The following CSMD1 variants were observed in gnomAD, a reference collection of about 807,000 sequenced individuals.
CSMD1 encodes the protein CUB and sushi domain-containing protein 1.
A neutral mutation model predicts 417.5 loss-of-function variants in CSMD1; 213 were observed. The observed-to-expected ratio is 0.51, with a 90% CI of 0.46 to 0.57. The LOEUF is 0.57. CSMD1 is among the 20% of genes least tolerant of loss of function. CSMD1 has a pLI of 0.00. For synonymous variants in CSMD1, 2,862 were observed against 1,736.8 expected, an observed-to-expected ratio of 1.65 and a Z score of -16.11; for missense variants, 6,923 against 4,529.7, an observed-to-expected ratio of 1.53 and a Z score of -15.17.
intron 3 of CSMD1, among the ~76,000 whole-genome samples, chr8:4,134,651 A>G (rs545793149): frequency 1.3e-5 from 2 of 152,304 alleles, no homozygotes; most frequent in South Asian, 4.1e-4. Flanking sequence ...TTTAAAATAT[A>G]TCTAGAATCA....
At chr8:2,997,451 C>A (rs1036381562) in intron 54 of CSMD1, among the ~76,000 whole-genome samples, 9 of 152,126 alleles carry the variant, frequency 5.9e-5, no homozygotes, top group African/African-American at 1.7e-4. Context: ...AAAATACTTG[C>A]CCTTCACACT....
At chr8:4,322,556 G>A (rs188090010) in intron 3 of CSMD1, among the ~76,000 whole-genome samples, 84 of 151,956 alleles carry the variant, frequency 5.5e-4, no homozygotes, top group African/African-American at 1.9e-3. Context: ...CCTGAAGAGA[G>A]TAAGTAAGAT....
chr8:4,950,296 G>C (rs7003760), intron 1 of CSMD1, among the ~76,000 whole-genome samples: 20 of 151,890 alleles, frequency 1.3e-4, no homozygotes, highest in Admixed American at 8.5e-4. Flanking sequence ...ATTCTGATTA[G>C]TAAGTAAATG....
rs1162163027 is a variant in CSMD1 at position 4,226,574 on chromosome 8, T to C, written c.415+193379A>G. ...GGATACCATAAGTTGAAAAAACTAA[T>C]AACTTATTAAAAGGGCTGTATTTTT... On this transcript the variant is annotated intron_variant, in intron 3 of 69. Coordinates refer to ENST00000635120, the MANE Select transcript of CSMD1 (RefSeq NM_033225.6). Among the ~76,000 whole-genome samples the C allele has an allele frequency of 2.0e-5, 3 of 152,190 alleles. No individual in the cohort carries two copies. In the East Asian group the frequency reaches 5.8e-4, roughly 29 times the overall value.
At chr8:3,534,493 T>C (rs1361638516) in intron 10 of CSMD1, among the ~76,000 whole-genome samples, 1 of 143,756 alleles carries the variant, frequency 7.0e-6, no homozygotes, top group African/African-American at 2.6e-5. Flanking sequence ...CAGCGATAAG[T>C]AGATATTTTT....
chr8:4,526,194 A>G (rs2130427333), intron 2 of CSMD1, among the ~76,000 whole-genome samples: 1 of 152,358 alleles, frequency 6.6e-6, no homozygotes, highest in East Asian at 1.9e-4. Flanking sequence ...GAAACTTTGT[A>G]GTTCACAGTA....
chr8:3,418,763 G>A (rs1207124869), intron 12 of CSMD1, among the ~76,000 whole-genome samples: 1 of 152,000 alleles, frequency 6.6e-6, no homozygotes, highest in Admixed American at 6.6e-5. Context: ...GCAGACACAC[G>A]GGATTGCACA....
chr8:4,556,708 C>T (rs187024882), intron 2 of CSMD1, among the ~76,000 whole-genome samples: 5 of 152,262 alleles, frequency 3.3e-5, no homozygotes, highest in Admixed American at 3.3e-4. Flanking sequence ...AGCGGAAACA[C>T]ATTGCCACAA....
At chr8:3,699,753 C>G (rs995155933) in intron 7 of CSMD1, among the ~76,000 whole-genome samples, 1 of 152,106 alleles carries the variant, frequency 6.6e-6, no homozygotes, top group Non-Finnish European at 1.5e-5. Context: ...CTGGATGCTC[C>G]GCAACGAGGG....
intron 5 of CSMD1, among the ~76,000 whole-genome samples, chr8:3,929,630 T>C (rs796290988): frequency 3.3e-5 from 5 of 149,838 alleles, no homozygotes; most frequent in African/African-American, 1.2e-4. Context: ...AGGAAGAGTA[T>C]ATTGTTTCAA....
intron 50 of CSMD1, among the ~76,000 whole-genome samples, chr8:3,041,457 T>C (rs1201306154): frequency 2.0e-5 from 3 of 152,192 alleles, no homozygotes; most frequent in Non-Finnish European, 2.9e-5. Flanking sequence ...AACCTTTTTC[T>C]AGCAACATTT....
At chr8:3,196,987 C>G (rs1184881831) in intron 33 of CSMD1, among the ~76,000 whole-genome samples, 1 of 152,212 alleles carries the variant, frequency 6.6e-6, no homozygotes, top group Non-Finnish European at 1.5e-5. Flanking sequence ...TGATGTCACT[C>G]ACACCTTCTT....
Position 3,947,730 on chromosome 8 carries a change from C to T in CSMD1, c.818+50173G>A, listed in dbSNP as rs543439087. On this transcript the variant is annotated intron_variant, in intron 5 of 69. Transcript: ENST00000635120. ...TTGACTAAGCCTTTTTTTAACGGCA[C>T]AGAATATAGTTTATCTTAGTGAATG... Among the ~76,000 whole-genome samples the T allele has an allele frequency of 9.2e-5, 14 of 152,112 alleles. No homozygotes were observed. The East Asian group carries it at 1.2e-3, about 13-fold the overall frequency.
chr8:4,157,059 A>G (rs1299408671), intron 3 of CSMD1, among the ~76,000 whole-genome samples: 1 of 152,214 alleles, frequency 6.6e-6, no homozygotes, highest in African/African-American at 2.4e-5. Context: ...CCTGTAGACC[A>G]GAACAGGGAT....
intron 3 of CSMD1, among the ~76,000 whole-genome samples, chr8:4,200,971 A>C (rs1417674619): frequency 6.6e-6 from 1 of 152,142 alleles, no homozygotes; most frequent in East Asian, 1.9e-4. Context: ...AAGTTGTCTT[A>C]TTAGTTTACT....
At chr8:2,953,969 CA>C (rs1802823769) in intron 65 of CSMD1, among the ~76,000 whole-genome samples, 2 of 152,356 alleles carry the variant, frequency 1.3e-5, no homozygotes, top group African/African-American at 4.8e-5. Flanking sequence ...ATGCCGAAGG[CA>C]AGTTTGAATG....
At chr8:3,696,204 A>T (rs2129035029) in intron 7 of CSMD1, among the ~76,000 whole-genome samples, 1 of 152,308 alleles carries the variant, frequency 6.6e-6, no homozygotes, top group Non-Finnish European at 1.5e-5. Flanking sequence ...TATGCCCTTC[A>T]AACAGACAGT....
At chr8:3,332,749 A>T (rs1218817468) in intron 23 of CSMD1, among the ~76,000 whole-genome samples, 3 of 152,208 alleles carry the variant, frequency 2.0e-5, no homozygotes, top group African/African-American at 7.2e-5. Context: ...ACATTCCTAA[A>T]TAGGAAACTC....
intron 7 of CSMD1, among the ~76,000 whole-genome samples, chr8:3,698,334 G>T (rs767406890): frequency 5.3e-5 from 8 of 152,018 alleles, no homozygotes; most frequent in Non-Finnish European, 1.2e-4. Flanking sequence ...AAGAAAACAG[G>T]GTCTTTAACA....
Sources: gnomAD v4.1 joint callset for allele counts (sites outside exome capture counted in the v4.1 genomes callset) on GRCh38, gnomAD v4.1.1 for gene constraint, MANE v1.5 for transcripts, NCBI Gene and HGNC (gene_info 2026-07-23, HGNC 2026-07-21) for gene names.